ADGRG5: variants seen among roughly 807,000 people sequenced by gnomAD.
The protein encoded by ADGRG5 is G protein-coupled receptor 114.
ADGRG5 carries 37 observed loss-of-function variants against 53.2 expected under a neutral mutation model. The observed-to-expected ratio is 0.70, with a 90% CI of 0.53 to 0.91. The LOEUF (loss-of-function observed/expected upper bound fraction) is 0.91, where lower values mean the gene tolerates loss of function less well. Among genes scored for constraint, ADGRG5 ranks in the 40% least tolerant of loss-of-function variants. ADGRG5 has a pLI of 0.00. For missense variants in ADGRG5, 614 were observed against 675.8 expected, an observed-to-expected ratio of 0.91 and a Z score of 1.01; for synonymous variants, 277 against 290.4, an observed-to-expected ratio of 0.95 and a Z score of 0.47.
rs35948606 is a variant in ADGRG5 at position 57,556,908 on chromosome 16, C to CTT, written c.-38-5130_-38-5129dup. On this transcript the variant is annotated intron_variant, in intron 1 of 11. Transcript: ENST00000349457. ...GAAGAAGTTCTTATTTTGCCTTCTT[C>CTT]TTTTTTTTTTTTTTTTTTTGAGACA... Among the ~76,000 whole-genome samples the CTT allele has an allele frequency of 3.3e-4, 38 of 115,746 alleles. 5 individuals carry two copies. The highest frequency in any genetic ancestry group is 9.8e-4 in the African/African-American group (27 of 27,432). The allele number at this position is 115,746 out of a possible 152,430, so 75.9% of individuals were successfully genotyped here. A position where few individuals can be genotyped will look rare whatever the true frequency, so the allele number is the denominator to read the frequency against.
rs1468116402 is a variant in ADGRG5 at position 57,571,656 on chromosome 16, C to T, written c.1208+1121C>T. Reference sequence around the variant, plus strand: ...TCTGAAGATGTATTTTCTTTTTTTTCTTTTTTTTTTTTTTTTGAGATGGAG... The same window carrying T: ...TCTGAAGATGTATTTTCTTTTTTTTTTTTTTTTTTTTTTTTTGAGATGGAG... On this transcript the variant is annotated intron_variant, in intron 10 of 11. Coordinates refer to ENST00000349457, the MANE Select transcript of ADGRG5 (RefSeq NM_001304376.3). 4.9e-3 allele frequency among the ~76,000 whole-genome samples: 658 copies of T among 133,978 alleles called. 3 individuals carry two copies. The highest frequency in any genetic ancestry group is 8.1e-3 in the Non-Finnish European group (515 of 63,654). 87.9% of individuals were successfully genotyped at this position (133,978 alleles called of 152,430 possible).
At chr16:57,531,828 A>T in the ADGRG5 span, among the ~76,000 whole-genome samples, 1 of 152,132 alleles carries the variant, frequency 6.6e-6, no homozygotes, top group African/African-American at 2.4e-5. Context: ...GCAAACGCCA[A>T]CCCTGTTCCC....
At chr16:57,531,037 C>T in the ADGRG5 span, among the ~76,000 whole-genome samples, 2 of 151,936 alleles carry the variant, frequency 1.3e-5, no homozygotes, top group East Asian at 1.9e-4. Context: ...GCTTATCCCT[C>T]GAATGCGGCT....
At chr16:57,536,073 G>T in the ADGRG5 span, among the ~76,000 whole-genome samples, 1 of 152,286 alleles carries the variant, frequency 6.6e-6, no homozygotes, top group East Asian at 1.9e-4. Context: ...CCACCGCATG[G>T]CCCCCATTGG....
chr16:57,557,881 T>C (rs2032917543), intron 1 of ADGRG5, among the ~76,000 whole-genome samples: 1 of 152,246 alleles, frequency 6.6e-6, no homozygotes, highest in African/African-American at 2.4e-5. Flanking sequence ...AGGTTTACCT[T>C]TTCCACTACA....
chr16:57,562,786 G>A (rs545427157), intron 3 of ADGRG5, among the ~76,000 whole-genome samples: 4 of 152,278 alleles, frequency 2.6e-5, no homozygotes, highest in Non-Finnish European at 4.4e-5. Context: ...CTAGGTGAGC[G>A]GCCAATGCTG....
chr16:57,564,044 C>G, intron 5 of ADGRG5, 65 bp downstream of exon 5: 1 of 1,550,006 alleles, frequency 6.5e-7, no homozygotes, highest in East Asian at 2.3e-5. Flanking sequence ...CTGCAGGTGC[C>G]CATGTCACTG....
chr16:57,567,416 G>A (rs1376827577), intron 7 of ADGRG5, 54 bp from the exon 8 acceptor site: 31 of 1,588,186 alleles, frequency 2.0e-5, no homozygotes, highest in Non-Finnish European at 2.6e-5. Context: ...GACTGAGGCT[G>A]GGAGGAAGGG....
chr16:57,539,454 C>CTTTT (rs35729717), upstream of ADGRG5, among the ~76,000 whole-genome samples: 669 of 141,502 alleles, frequency 4.7e-3, 19 homozygotes, highest in South Asian at 0.062. Flanking sequence ...CACTGTACCC[C>CTTTT]TTTTTTTTTT....
intron 7 of ADGRG5, among the ~76,000 whole-genome samples, 175 bp from the exon 8 acceptor site, chr16:57,567,295 G>A (rs1373729894): frequency 6.6e-6 from 1 of 152,214 alleles, no homozygotes. Flanking sequence ...GGAGATGGGA[G>A]ATGTGGAGGG....
At position 57,575,609 on chromosome 16, in the gene ADGRG5, A is replaced by T; in HGVS notation, c.*71A>T. On this transcript the variant is annotated 3_prime_UTR_variant, in exon 12 of 12. Coordinates refer to ENST00000349457, the MANE Select transcript of ADGRG5 (RefSeq NM_001304376.3). ...AGCCTGAGGCTACGGCTCCTGCTAG[A>T]GAGGGTGGCAGGCCTGCTGCTGGAC... 1 of 1,252,786 alleles carries T rather than the reference A, an allele frequency of 8.0e-7. No individual in the cohort carries two copies. The highest frequency in any genetic ancestry group is 1.2e-6 in the Non-Finnish European group (1 of 862,808). 77.6% of individuals were successfully genotyped at this position (1,252,786 alleles called of 1,614,324 possible).
At position 57,566,653 on chromosome 16, in the gene ADGRG5, T is replaced by TG. The variant is rs750862917; in HGVS notation, c.608dup (p.Trp204LeufsTer4). 5.0e-5 allele frequency: 80 copies of TG among 1,589,116 alleles called. No homozygotes were observed. Among genetic ancestry groups the TG allele is most frequent in the Admixed American group, 1.1e-4 (6 of 55,538 alleles). On this transcript the variant is annotated frameshift_variant, in exon 7 of 12. Transcript: ENST00000349457. LOFTEE classifies it high-confidence loss of function. ...GAAGGAGGGAGCCAGGAAACAGCCC[T>TG]GGGGGGGCTGGAGCCCTGAGGGCTG...
chr16:57,567,936 G>C lies in ADGRG5; in HGVS notation c.902G>C (p.Ser301Thr). The change falls in exon 9 of 12, where the codon AGC becomes ACC. Residue 301 changes from serine (S) to threonine (T), a missense_variant. Physicochemically the swap from Ser to Thr is moderately conservative, Grantham distance 58 (BLOSUM62 1). Coordinates refer to ENST00000349457, the MANE Select transcript of ADGRG5 (RefSeq NM_001304376.3). ...CTCCTGAACATCGCCTTCCTGCTGA[G>C]CCCCGCATTCGCAATGTCTCCTGTG... ...VLLLNIAFLL[S>T]PAFAMSPVPG... 6.2e-7 allele frequency: 1 copy of C among 1,613,884 alleles called. No homozygotes were observed. The highest frequency in any genetic ancestry group is 8.5e-7 in the Non-Finnish European group (1 of 1,179,944).
Position 57,574,709 on chromosome 16 carries a change from C to A in ADGRG5, c.1209-106C>A. The A allele has an allele frequency of 7.8e-7, 1 of 1,281,752 alleles. No homozygotes were observed. The allele number at this position is 1,281,752 out of a possible 1,614,324, so 79.4% of individuals were successfully genotyped here. A position where few individuals can be genotyped will look rare whatever the true frequency, so the allele number is the denominator to read the frequency against. ...ACTGTGTGTTCAGTCAGGCAAGAAA[C>A]AATAGGGCCTGAGCCAGGAGACCGA... On this transcript the variant is annotated intron_variant, in intron 10 of 11. Coordinates refer to ENST00000349457, the MANE Select transcript of ADGRG5 (RefSeq NM_001304376.3). This position sits in a 1 kb window ranked among gnomAD's most constrained non-coding sequence, Gnocchi z 4.4.
chr16:57,560,635 A>T (rs948084142), intron 1 of ADGRG5, among the ~76,000 whole-genome samples: 41 of 152,284 alleles, frequency 2.7e-4, no homozygotes, highest in African/African-American at 9.6e-4. Context: ...ATTATGGTGC[A>T]TCCTCTCTCC....
the ADGRG5 span, among the ~76,000 whole-genome samples, chr16:57,534,639 C>G: frequency 6.6e-6 from 1 of 152,178 alleles, no homozygotes; most frequent in Non-Finnish European, 1.5e-5. Context: ...CAGGGCCCAG[C>G]ATACAGCAGA....
At chr16:57,545,468 C>T (rs2032594383) in intron 1 of ADGRG5, among the ~76,000 whole-genome samples, 1 of 152,166 alleles carries the variant, frequency 6.6e-6, no homozygotes, top group African/African-American at 2.4e-5. Context: ...GGGAGGATCG[C>T]TTGAGCCCAG....
At chr16:57,544,192 C>A (rs1282090457) in intron 1 of ADGRG5, among the ~76,000 whole-genome samples, 1 of 152,190 alleles carries the variant, frequency 6.6e-6, no homozygotes, top group Non-Finnish European at 1.5e-5. Context: ...AGCTTGCCCA[C>A]TGGCCTGCTG....
intron 6 of ADGRG5, chr16:57,565,749 G>C (rs1268103684): frequency 6.5e-6 from 1 of 152,908 alleles, no homozygotes; most frequent in African/African-American, 2.4e-5. Flanking sequence ...CTGGGGTGAA[G>C]GAGTGAGCTC....
Sources: gnomAD v4.1 joint callset for allele counts (sites outside exome capture counted in the v4.1 genomes callset) on GRCh38, gnomAD v4.1.1 for gene constraint, Gnocchi (gnomAD v3.1) non-coding constraint, MANE v1.5 for transcripts, NCBI Gene and HGNC (gene_info 2026-07-23, HGNC 2026-07-21) for gene names.